Variants in MYRIP observed in about 807,000 individuals in gnomAD.
MYRIP encodes the protein rab effector MyRIP.
A neutral mutation model predicts 98.0 loss-of-function variants in MYRIP; 49 were observed. The observed-to-expected ratio is 0.50, with a 90% CI of 0.40 to 0.63. The LOEUF (loss-of-function observed/expected upper bound fraction) is 0.63, where lower values mean the gene tolerates loss of function less well. MYRIP is among the 30% of genes least tolerant of loss of function. MYRIP has a pLI of 0.00. For synonymous variants in MYRIP, 404 were observed against 409.5 expected (o/e 0.99, Z 0.16); for missense variants, 1,004 against 1,058.2 (o/e 0.95, Z 0.71).
In MYRIP at chr3:39,904,202, AT is replaced by A. The variant is rs548771607; in HGVS notation, c.110+3282del. On this transcript the variant is annotated intron_variant, in intron 2 of 16. Transcript: ENST00000302541. ...ATCTTTTCCAAATTCTGCTATTTAA[AT>A]TTTTTAAAAATTCATAGCTAAGTGT... Among the ~76,000 whole-genome samples the A allele has an allele frequency of 4.8e-4, 73 of 152,180 alleles. 1 individual carries two copies. The South Asian group carries it at 0.014, about 29-fold the overall frequency.
intron 11 of MYRIP, among the ~76,000 whole-genome samples, chr3:40,221,440 G>C (rs1314701896): frequency 2.0e-5 from 3 of 152,166 alleles, no homozygotes; most frequent in African/African-American, 7.2e-5. Context: ...AGACCAGCTT[G>C]GGCGATGTAG....
At chr3:40,015,365 A>G (rs1330370637) in intron 2 of MYRIP, among the ~76,000 whole-genome samples, 1 of 152,240 alleles carries the variant, frequency 6.6e-6, no homozygotes, top group East Asian at 1.9e-4. Flanking sequence ...GTGGAGAGCC[A>G]GTCAGAGTAC....
At chr3:39,914,676 A>T (rs1261883845) in intron 2 of MYRIP, among the ~76,000 whole-genome samples, 1 of 152,146 alleles carries the variant, frequency 6.6e-6, no homozygotes. Context: ...AAACAGAAGG[A>T]GGAACATATC....
At chr3:40,182,447 A>C in intron 9 of MYRIP, 74 bp downstream of exon 9, 3 of 1,501,976 alleles carry the variant, frequency 2.0e-6, no homozygotes, top group Non-Finnish European at 2.7e-6. Context: ...TGGCTATTGC[A>C]TGGCCACTCT....
At chr3:40,043,520 C>T (rs1358209936) in intron 2 of MYRIP, among the ~76,000 whole-genome samples, 1 of 152,034 alleles carries the variant, frequency 6.6e-6, no homozygotes, top group Non-Finnish European at 1.5e-5. Context: ...TATGAATCAC[C>T]AGTGCCTCGA....
At chr3:40,182,510 C>G in intron 9 of MYRIP, 137 bp downstream of exon 9, 1 of 950,654 alleles carries the variant, frequency 1.1e-6, no homozygotes, top group Non-Finnish European at 1.5e-6. Flanking sequence ...GCTACCAAGT[C>G]ATGAGGCCTC....
chr3:39,932,987 G>A (rs1944575504), intron 2 of MYRIP, among the ~76,000 whole-genome samples: 1 of 152,160 alleles, frequency 6.6e-6, no homozygotes, highest in Non-Finnish European at 1.5e-5. Context: ...ATTTAAATGA[G>A]GACAGAATAC....
At chr3:40,001,612 C>T (rs983903275) in intron 2 of MYRIP, among the ~76,000 whole-genome samples, 1 of 152,186 alleles carries the variant, frequency 6.6e-6, no homozygotes, top group South Asian at 2.1e-4. Context: ...CACTTCAAAG[C>T]ACCTCTGAGT....
chr3:40,001,350 T>C (rs1946515830), intron 2 of MYRIP, among the ~76,000 whole-genome samples: 1 of 152,186 alleles, frequency 6.6e-6, no homozygotes, highest in Admixed American at 6.5e-5. Flanking sequence ...GTGGAAACTT[T>C]TGGAGACAGT....
intron 16 of MYRIP, among the ~76,000 whole-genome samples, chr3:40,256,559 TAAA>T (rs1048426507): frequency 1.3e-4 from 19 of 151,854 alleles, no homozygotes; most frequent in Non-Finnish European, 1.8e-4. Flanking sequence ...GTAAGTCACA[TAAA>T]AAAACTGCAA....
Position 40,044,092 on chromosome 3 carries a change from C to T in MYRIP, c.153C>T (p.Ser51=), listed in dbSNP as rs1184664730. 4 of 1,614,022 alleles carry T rather than the reference C, an allele frequency of 2.5e-6. No homozygotes were observed. In the East Asian group the frequency reaches 8.9e-5, roughly 36 times the overall value. ...QKLDEEGSKC[S]ILSKHQQFVE... ...TGGATGAGGAAGGCAGCAAGTGCAG[C>T]ATCCTCTCGAAGCACCAGCAGTTTG... The change falls in exon 3 of 17, where the codon AGC becomes AGT. Residue 51 remains serine, a synonymous_variant. Coordinates refer to ENST00000302541, the MANE Select transcript of MYRIP (RefSeq NM_015460.4).
At position 40,258,557 on chromosome 3, in the gene MYRIP, TGGAGGGAGGTGGAG is replaced by T. The variant is rs1018148113; in HGVS notation, c.*397_*410del. ...AACAATTTGTCCAAAGGAAAACTGCTGGAGGGAGGTGGAGGGAGGAAGGTGGGAATTATTATTTA... is the reference window on the plus strand; with the variant it reads ...AACAATTTGTCCAAAGGAAAACTGCTGGAGGAAGGTGGGAATTATTATTTA... On this transcript the variant is annotated 3_prime_UTR_variant, in exon 17 of 17. Transcript: ENST00000302541. The T allele has an allele frequency of 4.9e-6, 1 of 202,862 alleles. No individual in the cohort carries two copies. The highest frequency in any genetic ancestry group is 5.1e-5 in the Admixed American group (1 of 19,490). 12.6% of individuals were successfully genotyped at this position (202,862 alleles called of 1,614,324 possible).
chr3:39,919,727 TGAGAGA>T (rs71091779), intron 2 of MYRIP, among the ~76,000 whole-genome samples: 1 of 123,384 alleles, frequency 8.1e-6, no homozygotes, highest in Non-Finnish European at 1.8e-5. Context: ...TGTGTGTGTG[TGAGAGA>T]GAGAGAGAGA....
At chr3:40,076,274 C>A (rs1454306341) in intron 3 of MYRIP, among the ~76,000 whole-genome samples, 1 of 152,160 alleles carries the variant, frequency 6.6e-6, no homozygotes, top group Non-Finnish European at 1.5e-5. Flanking sequence ...AATTATCTTT[C>A]TCAGGGAAGT....
chr3:40,161,299 G>A (rs148451224), intron 4 of MYRIP, among the ~76,000 whole-genome samples: 2 of 152,292 alleles, frequency 1.3e-5, no homozygotes, highest in Admixed American at 1.3e-4. Context: ...AGAAAGAGAG[G>A]TGTTGTACTA....
At chr3:39,904,738 G>T (rs1943836245) in intron 2 of MYRIP, among the ~76,000 whole-genome samples, 1 of 152,132 alleles carries the variant, frequency 6.6e-6, no homozygotes, top group Non-Finnish European at 1.5e-5. Flanking sequence ...GCACATCGTG[G>T]TTGGTGTGTA....
intron 11 of MYRIP, among the ~76,000 whole-genome samples, chr3:40,219,566 T>C (rs1007677478): frequency 2.6e-5 from 4 of 152,008 alleles, no homozygotes; most frequent in Non-Finnish European, 4.4e-5. Flanking sequence ...TTCCCACCTA[T>C]GAGTGAGAAC....
intron 16 of MYRIP, among the ~76,000 whole-genome samples, chr3:40,257,647 T>C (rs1284834983): frequency 6.6e-6 from 1 of 152,214 alleles, no homozygotes; most frequent in Non-Finnish European, 1.5e-5. Flanking sequence ...GAATTAAAGT[T>C]CATATAATAA....
chr3:40,213,889 T>C (rs1490198812), intron 11 of MYRIP, among the ~76,000 whole-genome samples: 2 of 152,168 alleles, frequency 1.3e-5, no homozygotes, highest in East Asian at 1.9e-4. Context: ...CCCAGCTCCT[T>C]TGCTTTGCTT....
Sources: allele counts gnomAD v4.1 joint callset (sites outside exome capture counted in the v4.1 genomes callset), GRCh38; gene constraint gnomAD v4.1.1; transcripts MANE v1.5; gene names NCBI Gene and HGNC (gene_info 2026-07-23, HGNC 2026-07-21).